PLPP4: variants seen among roughly 807,000 people sequenced by gnomAD.
The protein encoded by PLPP4 is phospholipid phosphatase 4, also known as diacylglycerol pyrophosphate like 2.
PLPP4 carries 20 observed loss-of-function variants against 32.2 expected under a neutral mutation model. The observed-to-expected ratio is 0.62, with a 90% CI of 0.44 to 0.90. The LOEUF is 0.90. Ranked by LOEUF, PLPP4 falls within the 40% of genes least tolerant of loss-of-function variation. The pLI is 0.00. For synonymous variants in PLPP4, 127 were observed against 133.0 expected (o/e 0.95, Z 0.31); for missense variants, 257 against 353.1 (o/e 0.73, Z 2.18).
intron 3 of PLPP4, among the ~76,000 whole-genome samples, chr10:120,514,567 A>T (rs1024795831): frequency 1.7e-4 from 26 of 152,210 alleles, no homozygotes; most frequent in African/African-American, 6.3e-4. Flanking sequence ...CATTGATTAT[A>T]ACATCATTGT....
intron 5 of PLPP4, among the ~76,000 whole-genome samples, chr10:120,574,214 T>TCC (rs1849104594): frequency 8.9e-6 from 1 of 111,732 alleles, no homozygotes; most frequent in South Asian, 3.6e-4. Context: ...TCTCTCTCTC[T>TCC]CTCTCTCTCA....
intron 1 of PLPP4, among the ~76,000 whole-genome samples, chr10:120,463,955 T>C (rs896838137): frequency 2.0e-5 from 3 of 152,170 alleles, no homozygotes; most frequent in Non-Finnish European, 4.4e-5. Context: ...GCTGGGACAA[T>C]AGGTGTGCCA....
At chr10:120,511,018 G>T (rs576380102) in intron 2 of PLPP4, among the ~76,000 whole-genome samples, 1 of 152,324 alleles carries the variant, frequency 6.6e-6, no homozygotes, top group South Asian at 2.1e-4. Context: ...GGAAGCCCTT[G>T]ATATGGGGAG....
intron 5 of PLPP4, among the ~76,000 whole-genome samples, chr10:120,572,378 T>C (rs755802122): frequency 2.0e-5 from 3 of 152,206 alleles, no homozygotes; most frequent in Non-Finnish European, 2.9e-5. Context: ...CTGTAGGCAG[T>C]ATTGGTTGCT....
intron 6 of PLPP4, among the ~76,000 whole-genome samples, chr10:120,579,386 C>G (rs1357084883): frequency 6.6e-6 from 1 of 152,100 alleles, no homozygotes; most frequent in Non-Finnish European, 1.5e-5. Context: ...TTCACAGACA[C>G]AGTTGTCTAA....
chr10:120,555,722 A>G (rs1848132931), intron 5 of PLPP4, among the ~76,000 whole-genome samples: 1 of 152,220 alleles, frequency 6.6e-6, no homozygotes, highest in African/African-American at 2.4e-5. Flanking sequence ...TCTTGTATCT[A>G]TCACCTGCCA....
intron 1 of PLPP4, among the ~76,000 whole-genome samples, chr10:120,474,051 A>AT (rs1843788030): frequency 6.6e-6 from 1 of 151,678 alleles, no homozygotes; most frequent in African/African-American, 2.4e-5. Context: ...TTGCATAATT[A>AT]TTTTTTTCTC....
intron 1 of PLPP4, among the ~76,000 whole-genome samples, chr10:120,494,683 A>T (rs1485161654): frequency 1.3e-5 from 2 of 152,202 alleles, no homozygotes; most frequent in Non-Finnish European, 2.9e-5. Flanking sequence ...GGATTATTTG[A>T]TTAAATCAGC....
chr10:120,507,960 G>A (rs1018412457), intron 2 of PLPP4, among the ~76,000 whole-genome samples: 2 of 152,198 alleles, frequency 1.3e-5, no homozygotes, highest in South Asian at 4.1e-4. Flanking sequence ...GACTCAGTAA[G>A]AAGTTTAAGG....
intron 1 of PLPP4, among the ~76,000 whole-genome samples, chr10:120,472,930 G>C (rs980158047): frequency 1.3e-5 from 2 of 152,110 alleles, no homozygotes; most frequent in Admixed American, 6.6e-5. Flanking sequence ...CATGAGTTCA[G>C]ATCTGGAATT....
rs751503227 is a variant in PLPP4 at position 120,525,102 on chromosome 10, C to T, written c.445+4007C>T. 1.1e-4 allele frequency among the ~76,000 whole-genome samples: 16 copies of T among 152,270 alleles called. 1 individual carries two copies. The highest frequency in any genetic ancestry group is 7.7e-4 in the East Asian group (4 of 5,182). ...GCTAGCTTTTGTAGGTAGAGTTTTA[C>T]GGGAACACAGAGATGCCTGTTCATT... On this transcript the variant is annotated intron_variant, in intron 5 of 6. Coordinates refer to ENST00000398250, the MANE Select transcript of PLPP4 (RefSeq NM_001030059.3).
At position 120,589,529 on chromosome 10, in the gene PLPP4, A is replaced by T. The variant is rs1310410610; in HGVS notation, c.*27A>T. Reference sequence around the variant, plus strand: ...CAGTGTCCTGGGAGGATGGACACTAAGCCCTGGGCACATCTGCCACCCTGA... The same window carrying T: ...CAGTGTCCTGGGAGGATGGACACTATGCCCTGGGCACATCTGCCACCCTGA... On this transcript the variant is annotated 3_prime_UTR_variant, in exon 7 of 7. Coordinates refer to ENST00000398250, the MANE Select transcript of PLPP4 (RefSeq NM_001030059.3). The T allele has an allele frequency of 1.3e-6, 2 of 1,570,634 alleles. No individual in the cohort carries two copies. Among genetic ancestry groups the T allele is most frequent in the Non-Finnish European group, 1.7e-6 (2 of 1,143,538 alleles).
At position 120,537,992 on chromosome 10, in the gene PLPP4, TTCTCTCTCTCTCTCTCTCTCTCTCTCTC is replaced by T. The variant is rs1158226991; in HGVS notation, c.445+16931_445+16958del. On this transcript the variant is annotated intron_variant, in intron 5 of 6. Coordinates refer to ENST00000398250, the MANE Select transcript of PLPP4 (RefSeq NM_001030059.3). ...TTTGGGTTCAGAACCACCAGGCCCT[TTCTCTCTCTCTCTCTCTCTCTCTCTCTC>T]TCTCTCTCTCTCTCTCTCTCTCTCT... Among the ~76,000 whole-genome samples the T allele has an allele frequency of 7.7e-3, 146 of 19,078 alleles. 7 individuals carry two copies. Among genetic ancestry groups the T allele is most frequent in the East Asian group, 0.015 (7 of 480 alleles). The allele number at this position is 19,078 out of a possible 152,430, so 12.5% of individuals were successfully genotyped here.
chr10:120,515,770 C>T (rs1845911690), intron 3 of PLPP4, among the ~76,000 whole-genome samples: 1 of 152,188 alleles, frequency 6.6e-6, no homozygotes, highest in Non-Finnish European at 1.5e-5. Flanking sequence ...CTGTTGGGAG[C>T]CCCCTCAGTT....
intron 1 of PLPP4, among the ~76,000 whole-genome samples, chr10:120,478,635 C>A (rs1264832552): frequency 6.6e-6 from 1 of 152,224 alleles, no homozygotes; most frequent in Non-Finnish European, 1.5e-5. Flanking sequence ...ATAATGCATA[C>A]TTTCTTTACA....
In PLPP4 at chr10:120,481,830, G is replaced by A. The variant is rs113287218; in HGVS notation, c.57-21988G>A. On this transcript the variant is annotated intron_variant, in intron 1 of 6. Transcript: ENST00000398250. ...TCATCTTGAATTCCCATGTGTTGTG[G>A]GAGAGACCCAGTGGGAGGTAATTGA... Among the ~76,000 whole-genome samples the A allele has an allele frequency of 2.8e-3, 433 of 152,266 alleles. 2 individuals carry two copies. The highest frequency in any genetic ancestry group is 9.9e-3 in the African/African-American group (413 of 41,544).
chr10:120,589,447 C>T lies in PLPP4; in HGVS notation c.761C>T (p.Thr254Ile), dbSNP rs746970680. Residue 254 changes from threonine (T) to isoleucine (I), a missense_variant, in exon 7 of 7, where the codon ACA becomes ATA. Physicochemically the swap from Thr to Ile is moderately conservative, Grantham distance 89. Transcript: ENST00000398250. ...TCACTGAAGAAAGAGGAGAGGCCCA[C>T]AGCTGACAGCGCACCCAGCTTGCCT... ...PASLKKEERP[T>I]ADSAPSLPLE... 2.0e-5 allele frequency: 33 copies of T among 1,614,100 alleles called. No individual in the cohort carries two copies. Among genetic ancestry groups the T allele is most frequent in the South Asian group, 6.6e-5 (6 of 91,072 alleles).
chr10:120,530,949 T>A (rs1490396306), intron 5 of PLPP4, among the ~76,000 whole-genome samples: 1 of 152,332 alleles, frequency 6.6e-6, no homozygotes, highest in East Asian at 1.9e-4. Flanking sequence ...TTCACTTATC[T>A]TACTACATTA....
rs76067256 is a variant in PLPP4 at position 120,481,859 on chromosome 10, A to C, written c.57-21959A>C. Among the ~76,000 whole-genome samples, 1,202 of 152,296 alleles carry C rather than the reference A, an allele frequency of 7.9e-3. 23 individuals carry two copies. Among genetic ancestry groups the C allele is most frequent in the African/African-American group, 0.027 (1,125 of 41,558 alleles). On this transcript the variant is annotated intron_variant, in intron 1 of 6. Transcript: ENST00000398250. ...AGACCCAGTGGGAGGTAATTGAATCATGGGGGCAGGTCTTTCTTCTGCCCT... is the reference window on the plus strand; with the variant it reads ...AGACCCAGTGGGAGGTAATTGAATCCTGGGGGCAGGTCTTTCTTCTGCCCT...
Sources: gnomAD v4.1 joint callset for allele counts (sites outside exome capture counted in the v4.1 genomes callset) on GRCh38, gnomAD v4.1.1 for gene constraint, MANE v1.5 for transcripts, NCBI Gene and HGNC (gene_info 2026-07-23, HGNC 2026-07-21) for gene names.